Variants in C8orf89 observed in about 807,000 individuals in gnomAD.
C8orf89 encodes the protein putative uncharacterized protein C8orf89.
C8orf89 carries 14 observed loss-of-function variants against 15.8 expected under a neutral mutation model. That is an observed-to-expected ratio of 0.89 (90% confidence interval 0.59 to 1.39). The LOEUF is 1.39. C8orf89 is among the 40% of genes most tolerant of loss of function. C8orf89 has a pLI of 0.00. For missense variants in C8orf89, 181 were observed against 184.5 expected, an observed-to-expected ratio of 0.98 and a Z score of 0.11; for synonymous variants, 55 against 62.2, an observed-to-expected ratio of 0.88 and a Z score of 0.54.
chr8:73,280,006 C>A, the C8orf89 span, among the ~76,000 whole-genome samples: 1 of 152,226 alleles, frequency 6.6e-6, no homozygotes, highest in Non-Finnish European at 1.5e-5. Context: ...CAAGCTGTCT[C>A]TGCTGTGCAC....
the C8orf89 span, among the ~76,000 whole-genome samples, chr8:73,274,298 C>T: frequency 3.9e-5 from 6 of 152,050 alleles, no homozygotes; most frequent in Admixed American, 2.6e-4. Context: ...ACTACAGGCA[C>T]CCGCCACCAC....
At chr8:73,268,212 C>T in the C8orf89 span, among the ~76,000 whole-genome samples, 4 of 152,046 alleles carry the variant, frequency 2.6e-5, no homozygotes, top group Non-Finnish European at 5.9e-5. Context: ...GGGCGCGGTG[C>T]CTCATGCCTG....
chr8:73,261,150 T>G (rs1474198008), upstream of C8orf89, among the ~76,000 whole-genome samples: 1 of 152,194 alleles, frequency 6.6e-6, no homozygotes, highest in Non-Finnish European at 1.5e-5. Flanking sequence ...CAGGCAGCTT[T>G]TTGCGAGACT....
chr8:73,267,422 A>G, the C8orf89 span, among the ~76,000 whole-genome samples: 1 of 152,328 alleles, frequency 6.6e-6, no homozygotes, highest in South Asian at 2.1e-4. Flanking sequence ...TACAGCACTT[A>G]AAAACAAAAC....
At position 73,258,775 on chromosome 8, in the gene C8orf89, C is replaced by T. The variant is rs941721128; in HGVS notation, c.127+557G>A. 3.3e-5 allele frequency among the ~76,000 whole-genome samples: 5 copies of T among 151,992 alleles called. No homozygotes were observed. The South Asian group carries it at 6.2e-4, about 19-fold the overall frequency. On this transcript the variant is annotated intron_variant, in intron 1 of 3. Transcript: ENST00000624510. ...CCTCCTGAGTAGCCGGGACCACAGGCGCACACCAACACGCTCAGCTAATTT... is the reference window on the plus strand; with the variant it reads ...CCTCCTGAGTAGCCGGGACCACAGGTGCACACCAACACGCTCAGCTAATTT...
chr8:73,248,772 AT>A (rs2130256513), intron 3 of C8orf89, among the ~76,000 whole-genome samples: 1 of 152,212 alleles, frequency 6.6e-6, no homozygotes, highest in East Asian at 1.9e-4. Flanking sequence ...AATGCTATCA[AT>A]TTTTGCACGT....
At chr8:73,274,411 A>C in the C8orf89 span, among the ~76,000 whole-genome samples, 2 of 152,106 alleles carry the variant, frequency 1.3e-5, no homozygotes, top group African/African-American at 4.8e-5. Flanking sequence ...TCGGCCTCCC[A>C]AAGTGCTGGG....
the C8orf89 span, among the ~76,000 whole-genome samples, chr8:73,284,490 G>A: frequency 3.2e-4 from 49 of 152,134 alleles, no homozygotes; most frequent in African/African-American, 1.2e-3. Flanking sequence ...TGGGATTACA[G>A]GCGTGTGCCA....
chr8:73,246,993 T>A (rs1813142803), intron 3 of C8orf89, among the ~76,000 whole-genome samples: 1 of 152,210 alleles, frequency 6.6e-6, no homozygotes, highest in South Asian at 2.1e-4. Flanking sequence ...AAGACAAGTA[T>A]GATTATGATA....
chr8:73,264,491 A>C (rs1813583929), upstream of C8orf89, among the ~76,000 whole-genome samples: 1 of 152,010 alleles, frequency 6.6e-6, no homozygotes, highest in South Asian at 2.1e-4. Flanking sequence ...CTCATTGACA[A>C]AGTGATCTCT....
the C8orf89 span, among the ~76,000 whole-genome samples, chr8:73,266,144 G>T: frequency 6.6e-6 from 1 of 152,182 alleles, no homozygotes; most frequent in Non-Finnish European, 1.5e-5. Flanking sequence ...ACCTTTTCTT[G>T]TATCTCCATT....
At chr8:73,241,942 T>C (rs2130238299) in intron 3 of C8orf89, among the ~76,000 whole-genome samples, 1 of 151,950 alleles carries the variant, frequency 6.6e-6, no homozygotes, top group East Asian at 1.9e-4. Context: ...AAACTGGAGA[T>C]TATGCAGAAA....
At chr8:73,247,693 G>A (rs1338789937) in intron 3 of C8orf89, among the ~76,000 whole-genome samples, 1 of 152,180 alleles carries the variant, frequency 6.6e-6, no homozygotes, top group African/African-American at 2.4e-5. Context: ...CTAATGATAA[G>A]TGATGTTGAG....
intron 1 of C8orf89, among the ~76,000 whole-genome samples, 162 bp downstream of exon 1, chr8:73,259,170 A>T (rs1477940155): frequency 1.3e-5 from 2 of 152,200 alleles, no homozygotes; most frequent in Non-Finnish European, 2.9e-5. Context: ...TACATTAACT[A>T]AATTAATTTT....
chr8:73,257,652 G>A (rs1252179239), intron 1 of C8orf89, among the ~76,000 whole-genome samples: 2 of 152,140 alleles, frequency 1.3e-5, no homozygotes, highest in Admixed American at 1.3e-4. Flanking sequence ...GAAGCATCAA[G>A]ATTGTTTCTT....
At chr8:73,265,041 A>G in the C8orf89 span, among the ~76,000 whole-genome samples, 6 of 152,202 alleles carry the variant, frequency 3.9e-5, no homozygotes, top group South Asian at 4.1e-4. Flanking sequence ...GTGATGTGCT[A>G]TAAGTGTAAA....
At chr8:73,268,688 A>G in the C8orf89 span, among the ~76,000 whole-genome samples, 3 of 152,178 alleles carry the variant, frequency 2.0e-5, no homozygotes, top group African/African-American at 7.2e-5. Flanking sequence ...CCAGATATAT[A>G]TGGAAATATT....
chr8:73,276,225 G>A, the C8orf89 span, among the ~76,000 whole-genome samples: 3 of 139,386 alleles, frequency 2.2e-5, no homozygotes, highest in Non-Finnish European at 4.5e-5. Flanking sequence ...CACCCAGGCT[G>A]GGGTGCAGTG....
intron 1 of C8orf89, among the ~76,000 whole-genome samples, chr8:73,258,409 C>CAAAA (rs34265425): frequency 2.5e-4 from 17 of 69,122 alleles, no homozygotes; most frequent in East Asian, 4.3e-4. Flanking sequence ...GACTCCATCT[C>CAAAA]AAAAAAAAAA....
Sources: gnomAD v4.1 joint callset for allele counts (sites outside exome capture counted in the v4.1 genomes callset) on GRCh38, gnomAD v4.1.1 for gene constraint, MANE v1.5 for transcripts, NCBI Gene and HGNC (gene_info 2026-07-23, HGNC 2026-07-21) for gene names.